The following RNF38 variants were observed in gnomAD, a reference collection of about 807,000 sequenced individuals.
RNF38 encodes the protein ring finger protein 38.
In RNF38, 15 loss-of-function variants were observed where a neutral mutation model predicts 67.2. That is an observed-to-expected ratio of 0.22 (90% CI 0.15 to 0.34). RNF38 has a LOEUF of 0.34. Among genes scored for constraint, RNF38 ranks in the 10% least tolerant of loss-of-function variants. RNF38 has a pLI of 1.00. For missense variants in RNF38, 524 were observed against 639.9 expected (o/e 0.82, Z 1.95); for synonymous variants, 220 against 218.8 (o/e 1.01, Z -0.05).
chr9:36,392,896 G>A (rs1325243020), intron 1 of RNF38, among the ~76,000 whole-genome samples: 1 of 152,052 alleles, frequency 6.6e-6, no homozygotes, highest in Non-Finnish European at 1.5e-5. Context: ...CATAAAACAG[G>A]GAAAAATTAG....
intron 1 of RNF38, chr9:36,487,290 C>T (rs1475716820): frequency 3.0e-6 from 3 of 984,932 alleles, no homozygotes; most frequent in South Asian, 9.4e-5. Context: ...CTGCCTGGCC[C>T]GCTCCGGGAC....
intron 8 of RNF38, among the ~76,000 whole-genome samples, chr9:36,352,116 A>G (rs947530123): frequency 4.6e-5 from 7 of 152,318 alleles, no homozygotes; most frequent in Middle Eastern, 3.4e-3. Flanking sequence ...CCTGGCCAAC[A>G]TGGCGAAACC....
chr9:36,457,848 A>C (rs905010766), intron 1 of RNF38, among the ~76,000 whole-genome samples: 1 of 152,208 alleles, frequency 6.6e-6, no homozygotes, highest in Non-Finnish European at 1.5e-5. Context: ...GTCTCCAAAA[A>C]AAAAAAAATT....
intron 1 of RNF38, among the ~76,000 whole-genome samples, chr9:36,474,324 AC>A (rs150494911): frequency 0.055 from 8,158 of 148,376 alleles, 1,272 homozygotes; most frequent in African/African-American, 0.19. Context: ...AAAAAAAGAA[AC>A]CCTAGCATAG....
At chr9:36,484,605 C>T (rs1352719105) in intron 1 of RNF38, among the ~76,000 whole-genome samples, 1 of 151,900 alleles carries the variant, frequency 6.6e-6, no homozygotes. Context: ...TTTTGGGTAC[C>T]CTTGTGTAAT....
intron 1 of RNF38, among the ~76,000 whole-genome samples, chr9:36,464,598 C>T (rs1355846004): frequency 1.3e-5 from 2 of 151,716 alleles, no homozygotes. Context: ...ATATTTGTAT[C>T]AGATTATCAG....
chr9:36,428,899 G>A (rs1181793453), intron 1 of RNF38, among the ~76,000 whole-genome samples: 4 of 152,152 alleles, frequency 2.6e-5, no homozygotes, highest in Non-Finnish European at 5.9e-5. Context: ...CAGCCCAGTA[G>A]AGAGCATTTG....
intron 1 of RNF38, among the ~76,000 whole-genome samples, chr9:36,398,259 A>G (rs1206177856): frequency 1.3e-5 from 2 of 152,232 alleles, no homozygotes; most frequent in East Asian, 3.9e-4. Context: ...AAAAGTTCAG[A>G]TCCTTAACAA....
chr9:36,446,711 G>A (rs1384256056), intron 1 of RNF38, among the ~76,000 whole-genome samples: 1 of 148,590 alleles, frequency 6.7e-6, no homozygotes, highest in Non-Finnish European at 1.5e-5. Flanking sequence ...GGGACGCTGA[G>A]GCAGAAGAAT....
chr9:36,343,205 G>A (rs1173267773), intron 10 of RNF38, among the ~76,000 whole-genome samples: 1 of 152,152 alleles, frequency 6.6e-6, no homozygotes, highest in Non-Finnish European at 1.5e-5. Context: ...AGTGTAGGCT[G>A]AAATAAACCA....
chr9:36,448,122 G>C (rs1416666517), intron 1 of RNF38, among the ~76,000 whole-genome samples: 1 of 152,222 alleles, frequency 6.6e-6, no homozygotes, highest in Admixed American at 6.5e-5. Context: ...CTTAATGACA[G>C]GGTGAGGGCA....
Position 36,390,504 on chromosome 9 carries a change from G to C in RNF38, c.125C>G (p.Thr42Ser). 1 of 1,614,090 alleles carries C rather than the reference G, an allele frequency of 6.2e-7. No individual in the cohort carries two copies. The highest frequency in any genetic ancestry group is 8.5e-7 in the Non-Finnish European group (1 of 1,179,966). ...FPLLPSDQNTTVQEDAHFKAF... is the reference protein window; with the variant it reads ...FPLLPSDQNTSVQEDAHFKAF... ...TTTGAAGTGAGCATCCTCTTGAACG[G>C]TAGTGTTCTGATCACTTGGGAGGAG... Residue 42 changes from threonine (T) to serine (S), a missense_variant, in exon 2 of 12, where the codon ACC (threonine) becomes AGC (serine). Around this residue, in one of 2 missense-constraint regions of RNF38, gnomAD observed 461 missense variants for 517.4 expected, o/e 0.89. Coordinates refer to ENST00000259605, the MANE Select transcript of RNF38 (RefSeq NM_022781.5).
At chr9:36,409,202 GAGAA>G (rs1838255983) in intron 2 of RNF38, among the ~76,000 whole-genome samples, 1 of 149,858 alleles carries the variant, frequency 6.7e-6, no homozygotes, top group Non-Finnish European at 1.5e-5. Flanking sequence ...GAAAGAGAGA[GAGAA>G]AGGGAGGGAG....
chr9:36,472,164 A>G (rs1840013412), intron 1 of RNF38, among the ~76,000 whole-genome samples: 1 of 152,250 alleles, frequency 6.6e-6, no homozygotes, highest in Non-Finnish European at 1.5e-5. Flanking sequence ...CTTAAGAGCC[A>G]CCAAACATAT....
Position 36,378,889 on chromosome 9 carries a change from C to A in RNF38, c.163-2762G>T, listed in dbSNP as rs1835991172. Reference sequence around the variant, plus strand: ...AGGGAGCTATTCATTAGAGTACTTACTACTTTTCTTTTTCCTTTTTTTTTT... The same window carrying A: ...AGGGAGCTATTCATTAGAGTACTTAATACTTTTCTTTTTCCTTTTTTTTTT... On this transcript the variant is annotated intron_variant, in intron 2 of 11. Transcript: ENST00000259605. Among the ~76,000 whole-genome samples the A allele has an allele frequency of 2.1e-5, 3 of 145,300 alleles. No homozygotes were observed. In the South Asian group the frequency reaches 6.7e-4, roughly 32 times the overall value.
intron 1 of RNF38, among the ~76,000 whole-genome samples, chr9:36,470,560 G>T (rs1839972980): frequency 6.6e-6 from 1 of 152,186 alleles, no homozygotes; most frequent in Non-Finnish European, 1.5e-5. Context: ...ATTCCGCTTA[G>T]ATGTCACTGT....
At chr9:36,425,978 G>A (rs947499967) in intron 1 of RNF38, among the ~76,000 whole-genome samples, 2 of 152,178 alleles carry the variant, frequency 1.3e-5, no homozygotes, top group African/African-American at 4.8e-5. Context: ...TTGCAGGCGT[G>A]AGCCACCCAC....
At chr9:36,405,155 T>C (rs1489120252), upstream of RNF38, among the ~76,000 whole-genome samples, 1 of 152,084 alleles carries the variant, frequency 6.6e-6, no homozygotes, top group Non-Finnish European at 1.5e-5. Context: ...TACTCCTAGC[T>C]ACTTGGGATG....
chr9:36,341,288 A>G (rs1370878706), intron 11 of RNF38, among the ~76,000 whole-genome samples: 4 of 152,176 alleles, frequency 2.6e-5, no homozygotes, highest in African/African-American at 9.7e-5. Flanking sequence ...TCCTTTTAAA[A>G]TAATTTAAGA....
Sources: allele counts gnomAD v4.1 joint callset (sites outside exome capture counted in the v4.1 genomes callset), GRCh38; gene constraint gnomAD v4.1.1; regional missense constraint gnomAD v4.1.1; transcripts MANE v1.5; gene names NCBI Gene and HGNC (gene_info 2026-07-23, HGNC 2026-07-21).